Variants in SEMA4D observed in about 807,000 individuals in gnomAD.
SEMA4D encodes the protein semaphorin 4D.
In SEMA4D, 22 loss-of-function variants were observed where a neutral mutation model predicts 74.8. That is an observed-to-expected ratio of 0.29 (90% CI 0.21 to 0.42). SEMA4D has a LOEUF of 0.42. Ranked by LOEUF, SEMA4D falls within the 10% of genes least tolerant of loss-of-function variation. The pLI, the probability that SEMA4D is intolerant of heterozygous loss-of-function variation, is 1.00. For synonymous variants in SEMA4D, 445 were observed against 463.7 expected, an observed-to-expected ratio of 0.96 and a Z score of 0.52; for missense variants, 937 against 1,118.4, an observed-to-expected ratio of 0.84 and a Z score of 2.31.
intron 1 of SEMA4D, among the ~76,000 whole-genome samples, chr9:89,456,877 G>T (rs146440456): frequency 6.6e-6 from 1 of 152,198 alleles, no homozygotes; most frequent in Non-Finnish European, 1.5e-5. Flanking sequence ...ATGAGCCACC[G>T]CGTCCAGCTG....
intron 2 of SEMA4D, chr9:89,450,349 C>A (rs1349271117): frequency 6.3e-6 from 6 of 949,064 alleles, no homozygotes; most frequent in Non-Finnish European, 1.0e-5. Flanking sequence ...ACTTGACATG[C>A]CTTCTTCAGT....
chr9:89,492,353 C>T lies in SEMA4D; in HGVS notation c.-310+5566G>A, dbSNP rs150493100. 5.0e-3 allele frequency among the ~76,000 whole-genome samples: 763 copies of T among 152,280 alleles called. 1 individual carries two copies. Among genetic ancestry groups the T allele is most frequent in the Non-Finnish European group, 8.5e-3 (579 of 68,028 alleles). ...CCTTCTTGGTTTCTTGTTCCAGGCT[C>T]AGTCCTCGGACCTCTTCTCTTTTCC... is the stretch of plus-strand genomic sequence containing the variant. On this transcript the variant is annotated intron_variant, in intron 1 of 15. Transcript: ENST00000422704. The surrounding 1 kb of genome is among the most constrained non-coding windows in gnomAD (Gnocchi z 4.3).
At position 89,420,568 on chromosome 9, in the gene SEMA4D, G is replaced by A. The variant is rs186318806; in HGVS notation, c.-243-14869C>T. Among the ~76,000 whole-genome samples the A allele has an allele frequency of 6.3e-3, 966 of 152,344 alleles. 9 individuals are homozygous for A. Among genetic ancestry groups the A allele is most frequent in the Non-Finnish European group, 7.2e-3 (488 of 68,034 alleles). On this transcript the variant is annotated intron_variant, in intron 2 of 15. Coordinates refer to ENST00000422704, the MANE Select transcript of SEMA4D (RefSeq NM_001371194.2). ...CCTTGCGAACAGGTATTTAGTGGTC[G>A]CTGATGGCAGAAGGACAGAGCCACT... is the stretch of plus-strand genomic sequence containing the variant.
At chr9:89,363,855 G>A in exon 17 of SEMA4D, 2 of 1,614,050 alleles carry the variant, frequency 1.2e-6, no homozygotes, top group Non-Finnish European at 8.5e-7. Context: ...CTGAGTGCAT[G>A]GGCCCTGCCA....
At chr9:89,368,223 G>A (rs1021815581) in intron 16 of SEMA4D, 1 of 152,376 alleles carries the variant, frequency 6.6e-6, no homozygotes, top group South Asian at 2.1e-4. Context: ...TCACATCCAG[G>A]TGGCCTTCCT....
rs1836242979 is a variant in SEMA4D at position 89,378,586 on chromosome 9, G to A, written c.*118C>T. The A allele has an allele frequency of 1.7e-5, 12 of 699,960 alleles. No homozygotes were observed. In the East Asian group the frequency reaches 3.0e-4, roughly 17 times the overall value. 43.4% of individuals were successfully genotyped at this position (699,960 alleles called of 1,614,324 possible). A position where few individuals can be genotyped will look rare whatever the true frequency, so the allele number is the denominator to read the frequency against. The stretch of plus-strand genomic sequence containing the variant: ...ACAAGAGGACTGAGGTTGTCTGCAC[G>A]ATGCGGGCTAACCTACGCAGCACTG... On this transcript the variant is annotated 3_prime_UTR_variant, in exon 16 of 16. Coordinates refer to ENST00000422704, the MANE Select transcript of SEMA4D (RefSeq NM_001371194.2).
intron 2 of SEMA4D, among the ~76,000 whole-genome samples, chr9:89,413,425 T>G (rs1372672032): frequency 1.3e-5 from 2 of 152,230 alleles, no homozygotes; most frequent in Admixed American, 6.5e-5. Flanking sequence ...TCTGCGTGTA[T>G]GTATATATAT....
At chr9:89,391,509 G>T in intron 8 of SEMA4D, 94 bp from the exon 9 acceptor site, 1 of 1,235,338 alleles carries the variant, frequency 8.1e-7, no homozygotes, top group Non-Finnish European at 1.2e-6. Context: ...TACCTTGGGG[G>T]CCTGAGGGCT....
downstream of SEMA4D, chr9:89,376,924 G>A: frequency 1.3e-6 from 2 of 1,550,864 alleles, no homozygotes; most frequent in Non-Finnish European, 1.7e-6. Flanking sequence ...AGACCCTCGA[G>A]CTGCTGTCGG....
intron 1 of SEMA4D, among the ~76,000 whole-genome samples, chr9:89,483,292 C>T (rs903157232): frequency 6.6e-6 from 1 of 152,204 alleles, no homozygotes. Context: ...CAAAGACAAG[C>T]TAGATATCCA....
chr9:89,406,071 G>A (rs1009915846), intron 2 of SEMA4D: 12 of 430,696 alleles, frequency 2.8e-5, no homozygotes, highest in South Asian at 9.5e-5. Flanking sequence ...AAGAGAACTC[G>A]GGTTTCAGTT....
At chr9:89,480,615 A>G (rs543845982) in intron 1 of SEMA4D, among the ~76,000 whole-genome samples, 16 of 152,336 alleles carry the variant, frequency 1.1e-4, no homozygotes, top group Admixed American at 3.3e-4. Flanking sequence ...CCGGTGGGCC[A>G]GCACTGCTGG....
At chr9:89,477,406 A>C (rs556775613) in intron 1 of SEMA4D, among the ~76,000 whole-genome samples, 5 of 152,300 alleles carry the variant, frequency 3.3e-5, no homozygotes, top group South Asian at 2.1e-4. Flanking sequence ...ATGTCCTGCT[A>C]ATCAATGCCT....
At position 89,399,441 on chromosome 9, in the gene SEMA4D, T is replaced by C. The variant is rs1415455855; in HGVS notation, c.253-103A>G. 4.4e-6 allele frequency: 4 copies of C among 907,206 alleles called. No homozygotes were observed. The African/African-American group carries it at 5.0e-5, about 11-fold the overall frequency. The allele number at this position is 907,206 out of a possible 1,614,324, so 56.2% of individuals were successfully genotyped here. On this transcript the variant is annotated intron_variant, in intron 4 of 15. Transcript: ENST00000422704. ...ATGATAGAGTTTAGAGCCTAGAGGT[T>C]TCTCCTGAGATGATCAATTCTCAGA... is the stretch of plus-strand genomic sequence containing the variant.
At chr9:89,420,317 C>T (rs1846636505) in intron 2 of SEMA4D, among the ~76,000 whole-genome samples, 1 of 152,188 alleles carries the variant, frequency 6.6e-6, no homozygotes, top group Non-Finnish European at 1.5e-5. Context: ...TATGAGTTAC[C>T]TGGCTTAAAA....
chr9:89,371,272 G>A (rs1363583653), intron 16 of SEMA4D, among the ~76,000 whole-genome samples: 2 of 139,452 alleles, frequency 1.4e-5, no homozygotes, highest in African/African-American at 5.4e-5. Context: ...TGGCATGTGT[G>A]TGGGGTGTGG....
chr9:89,488,365 T>TTTA (rs1326082171), intron 1 of SEMA4D, among the ~76,000 whole-genome samples: 1 of 134,818 alleles, frequency 7.4e-6, no homozygotes, highest in African/African-American at 2.8e-5. Context: ...TTTTTTTTTT[T>TTTA]TTTTTTTTTT....
intron 1 of SEMA4D, among the ~76,000 whole-genome samples, chr9:89,488,637 T>C (rs62551178): frequency 0.1 from 15,236 of 152,220 alleles, 1,066 homozygotes; most frequent in Non-Finnish European, 0.15. Context: ...CCTCCCGAAC[T>C]GTTGGGATTA....
chr9:89,370,799 G>T (rs531812623), intron 16 of SEMA4D, among the ~76,000 whole-genome samples: 8 of 145,326 alleles, frequency 5.5e-5, no homozygotes, highest in African/African-American at 2.0e-4. Context: ...TATGTGTGGG[G>T]TGTGGCATGT....
Sources: allele counts gnomAD v4.1 joint callset (sites outside exome capture counted in the v4.1 genomes callset), GRCh38; gene constraint gnomAD v4.1.1; non-coding constraint Gnocchi (gnomAD v3.1); transcripts MANE v1.5; gene names NCBI Gene and HGNC (gene_info 2026-07-23, HGNC 2026-07-21).